RAB40B: variants seen among roughly 807,000 people sequenced by gnomAD.
RAB40B encodes RAB40B, member RAS oncogene family, also known as ras-related protein Rab-40B.
RAB40B carries 21 observed loss-of-function variants against 24.0 expected under a neutral mutation model. That is an observed-to-expected ratio of 0.88 (90% CI 0.62 to 1.26). The LOEUF is 1.26. Ranked by LOEUF, RAB40B falls within the 50% of genes most tolerant of loss-of-function variation. RAB40B has a pLI of 0.00. For missense variants in RAB40B, 348 were observed against 390.5 expected, an observed-to-expected ratio of 0.89 and a Z score of 0.92; for synonymous variants, 167 against 169.8, an observed-to-expected ratio of 0.98 and a Z score of 0.13.
intron 1 of RAB40B, among the ~76,000 whole-genome samples, chr17:82,679,508 C>G (rs903486575): frequency 2.6e-5 from 4 of 152,060 alleles, no homozygotes; most frequent in African/African-American, 4.8e-5. Flanking sequence ...GTCTCGATCT[C>G]CTGATCTTGT....
At chr17:82,664,584 C>A (rs1035115003) in intron 1 of RAB40B, 28 bp from the exon 2 acceptor site, 7 of 1,607,286 alleles carry the variant, frequency 4.4e-6, no homozygotes, top group Non-Finnish European at 6.0e-6. Context: ...ACGGCTTAGG[C>A]CTGAGGCTGC....
chr17:82,661,737 A>G (rs2046174991), intron 2 of RAB40B, among the ~76,000 whole-genome samples: 1 of 152,058 alleles, frequency 6.6e-6, no homozygotes, highest in Admixed American at 6.6e-5. Context: ...AAATACAAAA[A>G]TTAGCTGGAC....
At chr17:82,685,835 G>A (rs1314345047) in intron 1 of RAB40B, among the ~76,000 whole-genome samples, 3 of 145,916 alleles carry the variant, frequency 2.1e-5, no homozygotes, top group African/African-American at 7.6e-5. Flanking sequence ...ACGGAGTCTC[G>A]CCCTGTCACC....
At position 82,657,525 on chromosome 17, in the gene RAB40B, C is replaced by G. The variant is rs1010042819; in HGVS notation, c.*338G>C. 7.5e-6 allele frequency: 3 copies of G among 400,412 alleles called. No homozygotes were observed. The highest frequency in any genetic ancestry group is 6.2e-5 in the African/African-American group (3 of 48,468). 24.8% of individuals were successfully genotyped at this position (400,412 alleles called of 1,614,324 possible). ...AATTCCATTGAATTTATACTAATCA[C>G]TCCAATATCACCGTTCTTACAAAAG... On this transcript the variant is annotated 3_prime_UTR_variant, in exon 6 of 6. Coordinates refer to ENST00000571995, the MANE Select transcript of RAB40B (RefSeq NM_006822.3).
intron 4 of RAB40B, chr17:82,659,151 G>GGTC (rs2046128222): frequency 4.1e-6 from 1 of 243,422 alleles, no homozygotes. Context: ...CCCAGGTTGT[G>GGTC]GTCGTCGGTT....
At position 82,660,970 on chromosome 17, in the gene RAB40B, G is replaced by A. The variant is rs777989777; in HGVS notation, c.264+17C>T. 1.1e-5 allele frequency: 18 copies of A among 1,612,538 alleles called. No homozygotes were observed. The highest frequency in any genetic ancestry group is 1.7e-4 in the Middle Eastern group (1 of 6,054). Reference sequence around the variant, plus strand: ...CAAAGTTGGTTTGATCTCCCAGCTCGGGGGATGCTGTGTTACCTGTGCGCC... The same window carrying A: ...CAAAGTTGGTTTGATCTCCCAGCTCAGGGGATGCTGTGTTACCTGTGCGCC... On this transcript the variant is annotated intron_variant, in intron 3 of 5. Transcript: ENST00000571995.
At chr17:82,669,200 G>A (rs2046301493) in intron 1 of RAB40B, among the ~76,000 whole-genome samples, 1 of 152,068 alleles carries the variant, frequency 6.6e-6, no homozygotes, top group South Asian at 2.1e-4. Context: ...TAGGGCCTGG[G>A]CGCGGTGGCT....
At chr17:82,674,502 G>A (rs981602809) in intron 1 of RAB40B, among the ~76,000 whole-genome samples, 3 of 150,916 alleles carry the variant, frequency 2.0e-5, no homozygotes, top group African/African-American at 4.9e-5. Context: ...AGCCGGGTGT[G>A]GTGGCGGGCA....
At chr17:82,659,227 C>T (rs565118551) in intron 4 of RAB40B, 55 of 315,822 alleles carry the variant, frequency 1.7e-4, no homozygotes, top group African/African-American at 1.1e-3. Context: ...CATTGCCAGG[C>T]GGGCTGGTCT....
intron 1 of RAB40B, among the ~76,000 whole-genome samples, chr17:82,673,541 CT>C (rs1322545737): frequency 1.3e-5 from 2 of 152,216 alleles, no homozygotes; most frequent in Non-Finnish European, 2.9e-5. Flanking sequence ...CTGAAAATGT[CT>C]TTAGGCTGCC....
chr17:82,690,994 A>G (rs1197692749), intron 1 of RAB40B, among the ~76,000 whole-genome samples: 2 of 152,200 alleles, frequency 1.3e-5, no homozygotes, highest in Non-Finnish European at 2.9e-5. Flanking sequence ...GGAGGCTCTG[A>G]TGCTCGTCTC....
intron 1 of RAB40B, among the ~76,000 whole-genome samples, chr17:82,671,271 T>TGA (rs2046328725): frequency 8.7e-6 from 1 of 115,514 alleles, no homozygotes; most frequent in Admixed American, 8.9e-5. Context: ...ACACACACAG[T>TGA]CACACATCCT....
At chr17:82,682,244 G>GA (rs34107393) in intron 1 of RAB40B, among the ~76,000 whole-genome samples, 4 of 151,324 alleles carry the variant, frequency 2.6e-5, no homozygotes, top group African/African-American at 9.7e-5. Flanking sequence ...GGCCAACATG[G>GA]AAAAAAACAG....
In RAB40B at chr17:82,657,909, T is replaced by TGGGGGGGCGGG; in HGVS notation, c.790_791insCCCGCCCCCCC (p.Gln264ProfsTer92). The TGGGGGGGCGGG allele has an allele frequency of 5.4e-6, 2 of 369,962 alleles. No homozygotes were observed. Among genetic ancestry groups the TGGGGGGGCGGG allele is most frequent in the South Asian group, 3.4e-5 (1 of 29,166 alleles). The allele number at this position is 369,962 out of a possible 1,614,324, so 22.9% of individuals were successfully genotyped here. ...TCTGGTGCAGTTTTTGGGGGGGCTCTGGGGGGGGCGGACGAGCTTCACTTT... is the reference window on the plus strand; with the variant it reads ...TCTGGTGCAGTTTTTGGGGGGGCTCTGGGGGGGCGGGGGGGGGGGCGGACGAGCTTCACTTT... On this transcript the variant is annotated frameshift_variant, in exon 6 of 6. Coordinates refer to ENST00000571995, the MANE Select transcript of RAB40B (RefSeq NM_006822.3). LOFTEE classifies it high-confidence loss of function.
intron 1 of RAB40B, among the ~76,000 whole-genome samples, chr17:82,683,807 A>T: frequency 1.5e-4 from 1 of 6,534 alleles, no homozygotes; most frequent in Non-Finnish European, 5.5e-4. Context: ...CCTGTTTCCA[A>T]AAAAAAAAAA....
rs1297432803 is a variant in RAB40B at position 82,661,837 on chromosome 17, A to T, written c.204-790T>A. On this transcript the variant is annotated intron_variant, in intron 2 of 5. Transcript: ENST00000571995. ...GGCAGGCGGAGGTTGCAGTGAGCTG[A>T]TATCGTGCCACTGCACTCCAGCCTG... The T allele has an allele frequency of 8.3e-6, 7 of 842,584 alleles. No individual in the cohort carries two copies. The Admixed American group carries it at 2.0e-4, about 24-fold the overall frequency. 52.2% of individuals were successfully genotyped at this position (842,584 alleles called of 1,614,324 possible).
At chr17:82,678,648 A>G (rs558698055) in intron 1 of RAB40B, among the ~76,000 whole-genome samples, 1 of 152,200 alleles carries the variant, frequency 6.6e-6, no homozygotes, top group Non-Finnish European at 1.5e-5. Flanking sequence ...CTTTTGAGAA[A>G]TCTGTCTTAT....
chr17:82,671,166 C>T (rs1172507309), intron 1 of RAB40B, among the ~76,000 whole-genome samples: 7 of 149,862 alleles, frequency 4.7e-5, no homozygotes, highest in Non-Finnish European at 1.0e-4. Context: ...CAGTCACACA[C>T]ATCCTGTACT....
At position 82,660,517 on chromosome 17, in the gene RAB40B, A is replaced by C. The variant is rs1278149250; in HGVS notation, c.264+470T>G. On this transcript the variant is annotated intron_variant, in intron 3 of 5. Coordinates refer to ENST00000571995, the MANE Select transcript of RAB40B (RefSeq NM_006822.3). ...TACACGCACATGCAGGCACTCATGC[A>C]CAGATGCATACACAGTGCACATACC... is the stretch of plus-strand genomic sequence containing the variant. Among the ~76,000 whole-genome samples, 3 of 151,652 alleles carry C rather than the reference A, an allele frequency of 2.0e-5. No homozygotes were observed. In the South Asian group the frequency reaches 6.2e-4, roughly 32 times the overall value.
Sources: allele counts gnomAD v4.1 joint callset (sites outside exome capture counted in the v4.1 genomes callset), GRCh38; gene constraint gnomAD v4.1.1; transcripts MANE v1.5; gene names NCBI Gene and HGNC (gene_info 2026-07-23, HGNC 2026-07-21).